PDE4C: variants seen among roughly 807,000 people sequenced by gnomAD.
The protein encoded by PDE4C is phosphodiesterase 4C, also known as 3',5'-cyclic-AMP phosphodiesterase 4C.
Under a neutral mutation model 63.9 loss-of-function variants are expected in PDE4C, and 50 were observed. That is an observed-to-expected ratio of 0.78 (90% confidence interval 0.62 to 0.99). PDE4C has a LOEUF of 0.99. Ranked by LOEUF, PDE4C falls within the 50% of genes least tolerant of loss-of-function variation. The probability of loss-of-function intolerance (pLI) is 0.00; values close to 1 mark genes in which losing one functional copy is unlikely to be tolerated. For missense variants in PDE4C, 777 were observed against 899.1 expected, an observed-to-expected ratio of 0.86 and a Z score of 1.74; for synonymous variants, 377 against 385.1, an observed-to-expected ratio of 0.98 and a Z score of 0.25.
intron 1 of PDE4C, among the ~76,000 whole-genome samples, chr19:18,224,815 G>T (rs1189627750): frequency 6.6e-6 from 1 of 152,222 alleles, no homozygotes; most frequent in African/African-American, 2.4e-5. Context: ...TCCCTGGCCC[G>T]TCTGGGGTGC....
At chr19:18,221,810 G>A (rs1824271658) in intron 2 of PDE4C, among the ~76,000 whole-genome samples, 1 of 152,066 alleles carries the variant, frequency 6.6e-6, no homozygotes, top group Admixed American at 6.6e-5. Flanking sequence ...TTTTTTAGTA[G>A]TGACAGGGTT....
At chr19:18,222,695 C>CTT (rs1568671568) in intron 1 of PDE4C, among the ~76,000 whole-genome samples, 1 of 40,946 alleles carries the variant, frequency 2.4e-5, no homozygotes, top group African/African-American at 8.3e-5. Flanking sequence ...CTCGCCCTTT[C>CTT]TTTTCTTTTT....
At chr19:18,218,278 G>A (rs779602897) in intron 10 of PDE4C, 30 bp from the exon 11 acceptor site, 1 of 1,613,486 alleles carries the variant, frequency 6.2e-7, no homozygotes, top group Non-Finnish European at 8.5e-7. Flanking sequence ...AGGCGGTGAG[G>A]GGCGGGTTCT....
At chr19:18,233,317 C>T in exon 1 of PDE4C, 1 of 1,338,290 alleles carries the variant, frequency 7.5e-7, no homozygotes, top group Non-Finnish European at 1.0e-6. Flanking sequence ...GAGCTGTCCG[C>T]GCCGGAGGTG....
intron 1 of PDE4C, among the ~76,000 whole-genome samples, chr19:18,231,871 C>T (rs905557690): frequency 6.6e-6 from 1 of 152,104 alleles, no homozygotes; most frequent in African/African-American, 2.4e-5. Flanking sequence ...CCCCACCCCA[C>T]TCAACTTACA....
intron 12 of PDE4C, among the ~76,000 whole-genome samples, chr19:18,214,344 G>A (rs1292665541): frequency 6.6e-6 from 1 of 152,144 alleles, no homozygotes; most frequent in Non-Finnish European, 1.5e-5. Context: ...GGGCTGGTTA[G>A]GGGCTAGGGT....
At chr19:18,210,227 G>A, downstream of PDE4C, 1 of 152,000 alleles carries the variant, frequency 6.6e-6, no homozygotes, top group Non-Finnish European at 1.5e-5. Flanking sequence ...TTGCTATGTT[G>A]CCCAGGCTGG....
chr19:18,217,322 C>A (rs8101767), intron 11 of PDE4C: 86,295 of 153,890 alleles, frequency 0.56, 25,078 homozygotes, highest in Non-Finnish European at 0.63. Context: ...GTGCCACCAC[C>A]CTTGACTAAT....
At chr19:18,233,047 C>G in exon 1 of PDE4C, 1 of 1,564,078 alleles carries the variant, frequency 6.4e-7, no homozygotes, top group Non-Finnish European at 8.7e-7. Flanking sequence ...TTGTCCGGAT[C>G]CGAATAGAAG....
chr19:18,219,545 C>T (rs911675123), intron 7 of PDE4C, 148 bp from the exon 8 acceptor site: 48 of 862,474 alleles, frequency 5.6e-5, no homozygotes, highest in East Asian at 8.1e-5. Context: ...CCCTGTCGGC[C>T]GGACGCAGTG....
upstream of PDE4C, among the ~76,000 whole-genome samples, chr19:18,237,872 C>T (rs1281548859): frequency 1.1e-5 from 1 of 94,938 alleles, no homozygotes. Context: ...GACTCCATCT[C>T]AAAAAAAAAA....
Position 18,220,036 on chromosome 19 carries a change from C to T in PDE4C, c.706+190G>A, listed in dbSNP as rs985985011. On this transcript the variant is annotated intron_variant, in intron 7 of 14. Transcript: ENST00000262805. This position sits in a 1 kb window ranked among gnomAD's most constrained non-coding sequence, Gnocchi z 5.1. ...CAAATTTCTACTCATGCTTCAAAACCGTAGCTTTAATGTCCCCTGCTCCTG... is the reference window on the plus strand; with the variant it reads ...CAAATTTCTACTCATGCTTCAAAACTGTAGCTTTAATGTCCCCTGCTCCTG... Among the ~76,000 whole-genome samples, 2 of 152,206 alleles carry T rather than the reference C, an allele frequency of 1.3e-5. No homozygotes were observed. The highest frequency in any genetic ancestry group is 1.9e-4 in the East Asian group (1 of 5,178).
upstream of PDE4C, among the ~76,000 whole-genome samples, chr19:18,250,773 A>ATTT (rs571142608): frequency 8.0e-6 from 1 of 124,630 alleles, no homozygotes; most frequent in Non-Finnish European, 1.8e-5. Flanking sequence ...TGCCTGGACA[A>ATTT]TTTTTTTTTT....
At chr19:18,221,049 T>TCCGCCAGGCCACGCCCCACC (rs533243837) in intron 4 of PDE4C, 56 bp downstream of exon 4, 2 of 1,239,970 alleles carry the variant, frequency 1.6e-6, no homozygotes, top group African/African-American at 1.5e-5. Context: ...CAGCCCGCTT[T>TCCGCCAGGCCACGCCCCACC]CCGCCCACCT....
chr19:18,255,063 C>T, the PDE4C span, among the ~76,000 whole-genome samples: 15 of 152,184 alleles, frequency 9.9e-5, no homozygotes, highest in Non-Finnish European at 7.3e-5. The surrounding 1 kb of genome is among the most constrained non-coding windows in gnomAD (Gnocchi z 4.6). Flanking sequence ...ACAGCTGCTC[C>T]GTTTGTTTCT....
chr19:18,247,770 G>A (rs1173237326), intron 1 of PDE4C, among the ~76,000 whole-genome samples: 2 of 152,116 alleles, frequency 1.3e-5, no homozygotes, highest in African/African-American at 4.8e-5. Context: ...ACCACTGGGA[G>A]CCCAGGTACG....
At chr19:18,224,678 T>G (rs1362201024) in intron 1 of PDE4C, among the ~76,000 whole-genome samples, 2 of 152,212 alleles carry the variant, frequency 1.3e-5, no homozygotes, top group Non-Finnish European at 2.9e-5. Context: ...TCCGGCTACA[T>G]GAGGGCTAGT....
chr19:18,241,255 G>GTT lies in PDE4C; in HGVS notation c.-210+6914_-210+6915dup, dbSNP rs200717537. Among the ~76,000 whole-genome samples the GTT allele has an allele frequency of 2.3e-4, 18 of 78,514 alleles. 1 individual carries two copies. The highest frequency in any genetic ancestry group is 7.4e-4 in the African/African-American group (15 of 20,170). The allele number at this position is 78,514 out of a possible 152,430, so 51.5% of individuals were successfully genotyped here. A position where few individuals can be genotyped will look rare whatever the true frequency, so the allele number is the denominator to read the frequency against. On this transcript the variant is annotated intron_variant, in intron 1 of 15. Coordinates refer to the PDE4C transcript ENST00000594617. ...TTCTTTCTTTCTTTTTTCTTCTCTTGTTTTTTTTTTTTTTTTTTTTTTTTT... is the reference window on the plus strand; with the variant it reads ...TTCTTTCTTTCTTTTTTCTTCTCTTGTTTTTTTTTTTTTTTTTTTTTTTTTTT...
At chr19:18,241,423 T>G (rs1004238641) in intron 1 of PDE4C, among the ~76,000 whole-genome samples, 1 of 151,456 alleles carries the variant, frequency 6.6e-6, no homozygotes, top group East Asian at 1.9e-4. Flanking sequence ...CCCGCCACCA[T>G]GCCCGGCTAA....
Sources: allele counts gnomAD v4.1 joint callset (sites outside exome capture counted in the v4.1 genomes callset), GRCh38; gene constraint gnomAD v4.1.1; non-coding constraint Gnocchi (gnomAD v3.1); transcripts MANE v1.5; gene names NCBI Gene and HGNC (gene_info 2026-07-23, HGNC 2026-07-21).